NAA20: variants seen among roughly 807,000 people sequenced by gnomAD.
The protein encoded by NAA20 is N-alpha-acetyltransferase 20.
In NAA20, 24 loss-of-function variants were observed where a neutral mutation model predicts 23.8. The observed-to-expected ratio is 1.01, with a 90% confidence interval of 0.73 to 1.42. The LOEUF is 1.42. NAA20 is among the 40% of genes most tolerant of loss of function. The pLI is 0.00. For synonymous variants in NAA20, 83 were observed against 77.7 expected (o/e 1.07, Z -0.36); for missense variants, 166 against 223.1 (o/e 0.74, Z 1.63).
chr20:20,024,284 T>A (rs954522129), intron 2 of NAA20, among the ~76,000 whole-genome samples: 1 of 152,192 alleles, frequency 6.6e-6, no homozygotes, highest in Non-Finnish European at 1.5e-5. Flanking sequence ...TTTCAAACAT[T>A]TTTTTGAGAA....
chr20:20,017,298 C>G (rs891699767), upstream of NAA20: 7 of 1,509,744 alleles, frequency 4.6e-6, no homozygotes, highest in South Asian at 7.1e-5. Flanking sequence ...GAAGCAGTAC[C>G]CCGTCTCGCT....
At chr20:20,031,382 T>A (rs2043342636) in intron 4 of NAA20, among the ~76,000 whole-genome samples, 1 of 152,050 alleles carries the variant, frequency 6.6e-6, no homozygotes, top group Non-Finnish European at 1.5e-5. Flanking sequence ...GATGTCCCTA[T>A]GGGAAAAAAA....
rs562892058 is a variant in NAA20, at chr20:20,021,528, A to G, written c.54-928A>G. On this transcript the variant is annotated intron_variant, in intron 1 of 5. Coordinates refer to ENST00000334982, the MANE Select transcript of NAA20 (RefSeq NM_016100.5). ...TTTTTTTGGTAAAGGTATTTGTGTT[A>G]ACGTGTAATTGATTTATTATTTTTG... 3.0e-4 allele frequency among the ~76,000 whole-genome samples: 46 copies of G among 152,296 alleles called. No individual in the cohort carries two copies. In the South Asian group the frequency reaches 9.3e-3, roughly 31 times the overall value.
At chr20:20,024,939 C>G (rs2043297294) in intron 2 of NAA20, among the ~76,000 whole-genome samples, 1 of 152,028 alleles carries the variant, frequency 6.6e-6, no homozygotes, top group Admixed American at 6.5e-5. Context: ...TTTATACTAA[C>G]AAGAAATATA....
At chr20:20,017,575 C>T (rs372742374) in intron 1 of NAA20, 126 bp downstream of exon 1, 26 of 1,352,906 alleles carry the variant, frequency 1.9e-5, no homozygotes, top group South Asian at 1.8e-4. Context: ...GCGAGAACCA[C>T]CCCCCGCCGG....
chr20:20,029,278 C>T (rs951743144), intron 4 of NAA20, among the ~76,000 whole-genome samples: 1 of 151,850 alleles, frequency 6.6e-6, no homozygotes, highest in African/African-American at 2.4e-5. Context: ...ATAATTATTA[C>T]CAGCATAAAA....
At chr20:20,028,480 G>A (rs1426431133) in intron 4 of NAA20, among the ~76,000 whole-genome samples, 1 of 151,948 alleles carries the variant, frequency 6.6e-6, no homozygotes, top group Non-Finnish European at 1.5e-5. Context: ...AGAACTTAAA[G>A]TATAATAATA....
chr20:20,021,897 C>A (rs1328720899), intron 1 of NAA20, among the ~76,000 whole-genome samples: 1 of 152,096 alleles, frequency 6.6e-6, no homozygotes, highest in Non-Finnish European at 1.5e-5. Flanking sequence ...GCATCGGAGC[C>A]AGGTTGGGAG....
At chr20:20,024,492 A>G (rs1009748678) in intron 2 of NAA20, among the ~76,000 whole-genome samples, 2 of 151,234 alleles carry the variant, frequency 1.3e-5, no homozygotes, top group African/African-American at 2.4e-5. Context: ...ACGACTAATG[A>G]TATCACCACT....
At chr20:20,026,043 G>A (rs2043304194) in intron 3 of NAA20, among the ~76,000 whole-genome samples, 1 of 151,638 alleles carries the variant, frequency 6.6e-6, no homozygotes, top group Admixed American at 6.6e-5. Context: ...AGTGGCTCAC[G>A]CCTGTAATCC....
At position 20,026,908 on chromosome 20, in the gene NAA20, G is replaced by T. The variant is rs1377723788; in HGVS notation, c.294G>T (p.Glu98Asp). The stretch of plus-strand genomic sequence containing the variant: ...CTAAACTTATGGAGTTACTAGAGGA[G>T]ATTTCAGAAAGGTGAGATTCAGTTT... ...LAAKLMELLE[E>D]ISERKGGFFV... Residue 98 changes from glutamate to aspartate, a missense_variant, in exon 4 of 6, where the codon GAG becomes GAT. Glu to Asp is a conservative substitution (Grantham distance 45, BLOSUM62 2). Coordinates refer to ENST00000334982, the MANE Select transcript of NAA20 (RefSeq NM_016100.5). The T allele has an allele frequency of 1.2e-6, 2 of 1,614,152 alleles. No homozygotes were observed. The highest frequency in any genetic ancestry group is 1.7e-6 in the Non-Finnish European group (2 of 1,180,010).
intron 4 of NAA20, among the ~76,000 whole-genome samples, chr20:20,029,616 C>CA (rs59199004): frequency 0.03 from 3,820 of 125,330 alleles, 157 homozygotes; most frequent in African/African-American, 0.096. Flanking sequence ...GACTCCATCT[C>CA]AAAAAAAAAA....
At chr20:20,020,546 C>T (rs2043260171) in intron 1 of NAA20, among the ~76,000 whole-genome samples, 1 of 152,170 alleles carries the variant, frequency 6.6e-6, no homozygotes, top group Admixed American at 6.5e-5. Flanking sequence ...GAGAGGCCAT[C>T]ATAAGACCTG....
chr20:20,023,892 C>T (rs1291233615), intron 2 of NAA20, among the ~76,000 whole-genome samples: 1 of 152,182 alleles, frequency 6.6e-6, no homozygotes, highest in African/African-American at 2.4e-5. Flanking sequence ...CCAGAAGGCA[C>T]TTTGGAAATA....
intron 4 of NAA20, among the ~76,000 whole-genome samples, chr20:20,029,956 A>C (rs1568749344): frequency 6.6e-6 from 1 of 152,196 alleles, no homozygotes; most frequent in Admixed American, 6.5e-5. Context: ...GCAGTAGCAA[A>C]ATAGGTTATA....
chr20:20,017,444 CA>C lies in NAA20; in HGVS notation c.50del (p.Asn17ThrfsTer37), dbSNP rs749673334. On this transcript the variant is annotated frameshift_variant, in exon 1 of 6. Coordinates refer to ENST00000334982, the MANE Select transcript of NAA20 (RefSeq NM_016100.5). LOFTEE classifies it high-confidence loss of function. Reference sequence around the variant, plus strand: ...CCTGCGACGACCTGTTCCGCTTCAACAACATGTGAGTGACACGCGCCTAGGG... The same window carrying C: ...CCTGCGACGACCTGTTCCGCTTCAACACATGTGAGTGACACGCGCCTAGGG... Reference protein sequence around the residue: ...FTCDDLFRFNNINLDPLTETY... With the variant: ...FTCDDLFRFNXINLDPLTETY... 6.2e-7 allele frequency: 1 copy of C among 1,611,234 alleles called. No individual in the cohort carries two copies. Among genetic ancestry groups the C allele is most frequent in the African/African-American group, 1.3e-5 (1 of 74,804 alleles).
rs753290704 is a variant in NAA20 at position 20,020,283 on chromosome 20, G to T, written c.54-2173G>T. Among the ~76,000 whole-genome samples the T allele has an allele frequency of 3.3e-5, 5 of 152,180 alleles. 1 individual carries two copies. Among genetic ancestry groups the T allele is most frequent in the African/African-American group, 7.2e-5 (3 of 41,434 alleles). ...TGTTCAGTTACAAAGGAAAATAGAA[G>T]CAGGGAAGGAAAGCTGGAAGTGAGT... On this transcript the variant is annotated intron_variant, in intron 1 of 5. Coordinates refer to ENST00000334982, the MANE Select transcript of NAA20 (RefSeq NM_016100.5).
At chr20:20,017,883 C>G (rs1306177755) in intron 1 of NAA20, 3 of 1,587,846 alleles carry the variant, frequency 1.9e-6, no homozygotes, top group Non-Finnish European at 2.6e-6. Context: ...GCACCGCCGA[C>G]GGCCAGGCCG....
intron 1 of NAA20, among the ~76,000 whole-genome samples, chr20:20,019,500 AG>A (rs1313560853): frequency 3.9e-5 from 6 of 152,246 alleles, no homozygotes; most frequent in Admixed American, 3.9e-4. Context: ...GAAAATACAC[AG>A]GAACACTTGC....
Sources: gnomAD v4.1 joint callset for allele counts (sites outside exome capture counted in the v4.1 genomes callset) on GRCh38, gnomAD v4.1.1 for gene constraint, MANE v1.5 for transcripts, NCBI Gene and HGNC (gene_info 2026-07-23, HGNC 2026-07-21) for gene names.